PTPRT: variants seen among roughly 807,000 people sequenced by gnomAD.
PTPRT encodes the protein protein tyrosine phosphatase receptor type T, also known as receptor-type tyrosine-protein phosphatase T.
Under a neutral mutation model 176.8 loss-of-function variants are expected in PTPRT, and 56 were observed. The observed-to-expected ratio is 0.32, with a 90% CI of 0.26 to 0.40. PTPRT has a LOEUF of 0.40. Ranked by LOEUF, PTPRT falls within the 10% of genes least tolerant of loss-of-function variation. PTPRT has a pLI of 1.00. For synonymous variants in PTPRT, 783 were observed against 739.0 expected (o/e 1.06, Z -0.96); for missense variants, 1,540 against 1,908.2 (o/e 0.81, Z 3.60).
intron 27 of PTPRT, among the ~76,000 whole-genome samples, chr20:42,096,275 C>CT (rs11451055): frequency 0.061 from 9,268 of 152,100 alleles, 368 homozygotes; most frequent in African/African-American, 0.086. Flanking sequence ...TATTCTTACC[C>CT]TTTTTTTGCA....
chr20:42,065,985 T>C, the PTPRT span, among the ~76,000 whole-genome samples: 2 of 152,152 alleles, frequency 1.3e-5, no homozygotes, highest in South Asian at 4.1e-4. Context: ...CTTCCTCATA[T>C]TGAAGTATTT....
rs537436733 is a variant in PTPRT, at chr20:43,083,326, A to G, written c.88+106320T>C. On this transcript the variant is annotated intron_variant, in intron 1 of 30. Transcript: ENST00000373187. ...AGATTCACCCACTTCAAATGTATAT[A>G]TATATATATATATATATATATATAT... Among the ~76,000 whole-genome samples the G allele has an allele frequency of 8.3e-3, 467 of 55,954 alleles. 22 individuals are homozygous for G. Among genetic ancestry groups the G allele is most frequent in the African/African-American group, 0.046 (351 of 7,708 alleles). 36.7% of individuals were successfully genotyped at this position (55,954 alleles called of 152,430 possible). A position where few individuals can be genotyped will look rare whatever the true frequency, so the allele number is the denominator to read the frequency against.
intron 7 of PTPRT, among the ~76,000 whole-genome samples, chr20:42,647,797 G>A (rs1205593371): frequency 2.0e-5 from 3 of 152,188 alleles, no homozygotes; most frequent in Admixed American, 6.5e-5. Flanking sequence ...CTAGTAGCCT[G>A]TTCCTCTCAG....
intron 1 of PTPRT, among the ~76,000 whole-genome samples, chr20:43,111,339 A>G (rs915275667): frequency 6.6e-6 from 1 of 152,006 alleles, no homozygotes; most frequent in Admixed American, 6.6e-5. Context: ...GGAGTTTGAG[A>G]CCAGCCTGGC....
intron 7 of PTPRT, among the ~76,000 whole-genome samples, chr20:42,538,828 A>T (rs2072523448): frequency 6.6e-6 from 1 of 152,086 alleles, no homozygotes; most frequent in Non-Finnish European, 1.5e-5. Context: ...CACTCTCCAC[A>T]TTGGACACAT....
the PTPRT span, among the ~76,000 whole-genome samples, chr20:42,054,613 G>A: frequency 2.0e-5 from 3 of 152,146 alleles, no homozygotes; most frequent in Non-Finnish European, 4.4e-5. Context: ...CCCTTGTAGG[G>A]TCTAAGGCAG....
At chr20:43,109,755 T>C (rs545034617) in intron 1 of PTPRT, among the ~76,000 whole-genome samples, 6 of 152,086 alleles carry the variant, frequency 3.9e-5, no homozygotes, top group Admixed American at 1.3e-4. Flanking sequence ...GCTGAAGGGG[T>C]AGCATGTAAG....
In PTPRT at chr20:42,177,788, A is replaced by G. The variant is rs77927531; in HGVS notation, c.2492-16246T>C. ...GAAGAAGAATGGTAAGTTTGACCCA[A>G]TTCCTTATTGGGAACATGGTAAAGA... is the stretch of plus-strand genomic sequence containing the variant. On this transcript the variant is annotated intron_variant, in intron 16 of 30. Transcript: ENST00000373187. Among the ~76,000 whole-genome samples the G allele has an allele frequency of 8.7e-3, 1,325 of 152,022 alleles. 22 individuals are homozygous for G. Among genetic ancestry groups the G allele is most frequent in the African/African-American group, 0.03 (1,230 of 41,466 alleles).
At chr20:42,457,990 C>A (rs1054195457) in intron 8 of PTPRT, among the ~76,000 whole-genome samples, 5 of 152,156 alleles carry the variant, frequency 3.3e-5, no homozygotes, top group African/African-American at 1.2e-4. Context: ...AGCTCCAACG[C>A]CCACTCCTGT....
intron 1 of PTPRT, among the ~76,000 whole-genome samples, chr20:42,956,426 TGTGAGACACCTGCTCCTACTCTAGCC>T (rs1425681472): frequency 3.9e-5 from 5 of 128,036 alleles, no homozygotes; most frequent in Admixed American, 2.2e-4. Context: ...ACTCTAGCCG[TGTGAGACACCTGCTCCTACTCTAGCC>T]GTGTGAGACA....
At chr20:42,528,415 A>T (rs1317239269) in intron 7 of PTPRT, among the ~76,000 whole-genome samples, 1 of 147,962 alleles carries the variant, frequency 6.8e-6, no homozygotes, top group African/African-American at 2.7e-5. Flanking sequence ...TGAATGGATA[A>T]ATGAATATCC....
At chr20:42,247,404 T>C (rs1026619678) in intron 14 of PTPRT, among the ~76,000 whole-genome samples, 1 of 152,224 alleles carries the variant, frequency 6.6e-6, no homozygotes, top group Non-Finnish European at 1.5e-5. Flanking sequence ...ATGGGGATAT[T>C]GCTTTTAAAA....
chr20:43,089,358 G>A (rs1406414969), intron 1 of PTPRT, among the ~76,000 whole-genome samples: 1 of 152,150 alleles, frequency 6.6e-6, no homozygotes, highest in African/African-American at 2.4e-5. Flanking sequence ...TTTGAGAAGA[G>A]AAAATCAGAA....
At chr20:42,330,199 G>A (rs1229807330) in intron 11 of PTPRT, among the ~76,000 whole-genome samples, 6 of 152,124 alleles carry the variant, frequency 3.9e-5, no homozygotes, top group South Asian at 2.1e-4. Flanking sequence ...GGCTGGGAGC[G>A]GTGGCTCATG....
intron 15 of PTPRT, among the ~76,000 whole-genome samples, chr20:42,222,475 C>T (rs1166191654): frequency 6.6e-6 from 1 of 152,192 alleles, no homozygotes; most frequent in Non-Finnish European, 1.5e-5. Context: ...CTTCCTTTCA[C>T]TTGCCCCAAG....
chr20:42,192,761 C>A (rs1409440002), intron 16 of PTPRT, among the ~76,000 whole-genome samples: 2 of 152,188 alleles, frequency 1.3e-5, no homozygotes, highest in African/African-American at 4.8e-5. Context: ...TAGGCAGGGG[C>A]CATTCTTTGC....
At position 43,142,806 on chromosome 20, in the gene PTPRT, G is replaced by T. The variant is rs116709350; in HGVS notation, c.88+46840C>A. Among the ~76,000 whole-genome samples, 438 of 152,312 alleles carry T rather than the reference G, an allele frequency of 2.9e-3. 1 individual carries two copies. The highest frequency in any genetic ancestry group is 7.0e-3 in the Admixed American group (107 of 15,308). On this transcript the variant is annotated intron_variant, in intron 1 of 30. Coordinates refer to ENST00000373187, the MANE Select transcript of PTPRT (RefSeq NM_007050.6). ...CATGGCCATACCAGGCATGGTAACT[G>T]CCCAGTGGAGTCTTACAGTCTGGTC... is the stretch of plus-strand genomic sequence containing the variant.
At chr20:42,918,658 C>T (rs1181948389) in intron 1 of PTPRT, among the ~76,000 whole-genome samples, 1 of 152,188 alleles carries the variant, frequency 6.6e-6, no homozygotes, top group Admixed American at 6.5e-5. Flanking sequence ...ACTGTACAAA[C>T]TTGCACATTT....
chr20:43,176,404 T>G (rs2015125461), intron 1 of PTPRT, among the ~76,000 whole-genome samples: 2 of 152,250 alleles, frequency 1.3e-5, no homozygotes, highest in South Asian at 4.1e-4. Context: ...CATCACTTTT[T>G]AAAGGAATAA....
Sources: gnomAD v4.1 joint callset for allele counts (sites outside exome capture counted in the v4.1 genomes callset) on GRCh38, gnomAD v4.1.1 for gene constraint, MANE v1.5 for transcripts, NCBI Gene and HGNC (gene_info 2026-07-23, HGNC 2026-07-21) for gene names.